Variants in EPHA6 observed in about 807,000 individuals in gnomAD.
EPHA6 encodes the protein EPH receptor A6, also known as ephrin type-A receptor 6.
In EPHA6, 50 loss-of-function variants were observed where a neutral mutation model predicts 112.0. The observed-to-expected ratio is 0.45, with a 90% CI of 0.36 to 0.56. EPHA6 has a LOEUF of 0.56. EPHA6 is among the 20% of genes least tolerant of loss of function. The pLI is 0.00. For synonymous variants in EPHA6, 529 were observed against 490.7 expected (o/e 1.08, Z -1.03); for missense variants, 1,280 against 1,417.4 (o/e 0.90, Z 1.56).
chr3:96,964,045 G>A (rs62263706), intron 2 of EPHA6, among the ~76,000 whole-genome samples: 1 of 151,810 alleles, frequency 6.6e-6, no homozygotes, highest in African/African-American at 2.4e-5. Flanking sequence ...GTCCTAATAG[G>A]TTTATATATT....
intron 6 of EPHA6, among the ~76,000 whole-genome samples, chr3:97,426,745 A>G (rs2089153980): frequency 2.6e-5 from 4 of 152,206 alleles, no homozygotes; most frequent in Admixed American, 2.6e-4. Context: ...AACTATCAAC[A>G]GAGTAACTAG....
chr3:97,616,733 A>C (rs1001949498), intron 13 of EPHA6, among the ~76,000 whole-genome samples: 1 of 152,168 alleles, frequency 6.6e-6, no homozygotes, highest in Non-Finnish European at 1.5e-5. Flanking sequence ...AGAATAGAGA[A>C]AAAAAATGAA....
chr3:97,500,477 C>T (rs1048043836), intron 10 of EPHA6, among the ~76,000 whole-genome samples: 36 of 152,062 alleles, frequency 2.4e-4, no homozygotes, highest in African/African-American at 8.0e-4. Context: ...GTGCTACATA[C>T]TTGTAAACGA....
intron 3 of EPHA6, among the ~76,000 whole-genome samples, chr3:97,080,458 G>A (rs891561201): frequency 2.0e-5 from 3 of 151,974 alleles, no homozygotes; most frequent in Admixed American, 1.3e-4. Flanking sequence ...CACATAATTA[G>A]CATTTTCTAT....
At chr3:97,048,266 G>A (rs1216861844) in intron 3 of EPHA6, among the ~76,000 whole-genome samples, 2 of 152,178 alleles carry the variant, frequency 1.3e-5, no homozygotes, top group Non-Finnish European at 2.9e-5. Flanking sequence ...TAAGAATATA[G>A]TAGTTGGGCA....
At chr3:97,587,567 A>G (rs142615345) in intron 11 of EPHA6, among the ~76,000 whole-genome samples, 56 of 152,274 alleles carry the variant, frequency 3.7e-4, no homozygotes, top group African/African-American at 1.3e-3. Flanking sequence ...TAATCACACT[A>G]CAAACAGGCA....
At chr3:97,727,523 C>G (rs1369906281) in intron 15 of EPHA6, among the ~76,000 whole-genome samples, 1 of 152,028 alleles carries the variant, frequency 6.6e-6, no homozygotes, top group Non-Finnish European at 1.5e-5. Flanking sequence ...TTTTATGACT[C>G]AGAGATCCCA....
chr3:97,573,012 G>A (rs149366728), intron 11 of EPHA6, among the ~76,000 whole-genome samples: 4 of 152,062 alleles, frequency 2.6e-5, no homozygotes, highest in African/African-American at 7.2e-5. Context: ...GCCTACATAC[G>A]TCTTAACAAA....
At chr3:97,652,459 G>C (rs1477842494) in intron 14 of EPHA6, among the ~76,000 whole-genome samples, 1 of 151,952 alleles carries the variant, frequency 6.6e-6, no homozygotes, top group Non-Finnish European at 1.5e-5. Context: ...AATAAATCAG[G>C]ATTTATATGT....
intron 3 of EPHA6, among the ~76,000 whole-genome samples, chr3:97,085,942 T>TAG (rs2046883399): frequency 6.9e-6 from 1 of 145,528 alleles, no homozygotes; most frequent in African/African-American, 2.7e-5. Flanking sequence ...TATATATATA[T>TAG]ATATATACAC....
At chr3:97,004,661 A>G (rs953742390) in intron 3 of EPHA6, among the ~76,000 whole-genome samples, 14 of 152,154 alleles carry the variant, frequency 9.2e-5, no homozygotes, top group Admixed American at 9.2e-4. Flanking sequence ...CCCATTTATC[A>G]ATTATGGCTT....
chr3:97,459,644 A>G (rs1164676483), intron 7 of EPHA6, among the ~76,000 whole-genome samples: 1 of 152,196 alleles, frequency 6.6e-6, no homozygotes. Context: ...GACTTCCCTG[A>G]AACCACTGCG....
intron 3 of EPHA6, among the ~76,000 whole-genome samples, chr3:97,095,781 G>A (rs557301030): frequency 1.3e-5 from 2 of 151,614 alleles, no homozygotes; most frequent in African/African-American, 2.4e-5. Flanking sequence ...AAAAAAACAA[G>A]CAAACAAAAA....
At chr3:97,700,091 G>T (rs2033287328) in intron 14 of EPHA6, among the ~76,000 whole-genome samples, 1 of 152,198 alleles carries the variant, frequency 6.6e-6, no homozygotes, top group African/African-American at 2.4e-5. Context: ...ACTTCTTCAT[G>T]TGGACCACAA....
At chr3:97,032,345 GC>G (rs1174754897) in intron 3 of EPHA6, among the ~76,000 whole-genome samples, 7 of 151,990 alleles carry the variant, frequency 4.6e-5, no homozygotes, top group Non-Finnish European at 8.8e-5. Context: ...TATACCTAAT[GC>G]TAAATGACGA....
At chr3:97,436,751 A>G (rs1021363737) in intron 6 of EPHA6, among the ~76,000 whole-genome samples, 7 of 152,186 alleles carry the variant, frequency 4.6e-5, no homozygotes, top group African/African-American at 1.7e-4. Context: ...TGGAAACTCT[A>G]GCAACCAAAA....
chr3:96,963,762 CAT>C (rs1483238964), intron 2 of EPHA6, among the ~76,000 whole-genome samples: 1 of 152,102 alleles, frequency 6.6e-6, no homozygotes, highest in Non-Finnish European at 1.5e-5. Context: ...CTCTGCTACA[CAT>C]GTTTATATAA....
chr3:97,036,295 A>G (rs1394539117), intron 3 of EPHA6, among the ~76,000 whole-genome samples: 1 of 152,056 alleles, frequency 6.6e-6, no homozygotes. Context: ...CCTATTTTAT[A>G]GAAATAGTAT....
At chr3:97,109,041 T>C (rs2047645529) in intron 3 of EPHA6, among the ~76,000 whole-genome samples, 1 of 152,182 alleles carries the variant, frequency 6.6e-6, no homozygotes, top group Non-Finnish European at 1.5e-5. Flanking sequence ...TGTATTCTAT[T>C]GCACTTGCAA....
Sources: gnomAD v4.1 joint callset for allele counts (sites outside exome capture counted in the v4.1 genomes callset) on GRCh38, gnomAD v4.1.1 for gene constraint, MANE v1.5 for transcripts, NCBI Gene and HGNC (gene_info 2026-07-23, HGNC 2026-07-21) for gene names.